The following TTC6 variants were observed in gnomAD, a reference collection of about 807,000 sequenced individuals.
TTC6 encodes the protein tetratricopeptide repeat domain 6.
A neutral mutation model predicts 210.4 loss-of-function variants in TTC6; 172 were observed. The observed-to-expected ratio is 0.82, with a 90% CI of 0.72 to 0.93. TTC6 has a LOEUF of 0.93. Ranked by LOEUF, TTC6 falls within the 40% of genes least tolerant of loss-of-function variation. TTC6 has a pLI of 0.00. For missense variants in TTC6, 2,414 were observed against 2,318.1 expected (o/e 1.04, Z -0.85); for synonymous variants, 804 against 819.6 (o/e 0.98, Z 0.32).
At chr14:37,661,533 C>G (rs2095737389) in intron 1 of TTC6, among the ~76,000 whole-genome samples, 1 of 152,102 alleles carries the variant, frequency 6.6e-6, no homozygotes, top group African/African-American at 2.4e-5. Flanking sequence ...GTCTATGTGT[C>G]TGTTTTTGTA....
chr14:37,795,449 A>G, intron 18 of TTC6, 97 bp downstream of exon 20: 2 of 691,750 alleles, frequency 2.9e-6, no homozygotes, highest in East Asian at 3.3e-5. Context: ...CAGGCTCCCC[A>G]TTTTACATTT....
At chr14:37,773,011 GCATTTTTT>G (rs2096025278) in intron 14 of TTC6, among the ~76,000 whole-genome samples, 1 of 152,104 alleles carries the variant, frequency 6.6e-6, no homozygotes, top group Admixed American at 6.5e-5. Flanking sequence ...GTGATATTGA[GCATTTTTT>G]CATATGCTTA....
At chr14:37,673,308 A>T (rs1269719330) in intron 1 of TTC6, among the ~76,000 whole-genome samples, 1 of 152,156 alleles carries the variant, frequency 6.6e-6, no homozygotes, top group South Asian at 2.1e-4. Context: ...GCAGATCAGG[A>T]CAGTTTCTCA....
chr14:37,804,814 G>T, exon 21 of TTC6: 2 of 1,613,124 alleles, frequency 1.2e-6, no homozygotes, highest in Non-Finnish European at 1.7e-6. Context: ...ATTTACAAAT[G>T]GTATTTCGTG....
intron 14 of TTC6, among the ~76,000 whole-genome samples, chr14:37,778,478 G>GC (rs1428074840): frequency 2.0e-5 from 3 of 152,168 alleles, no homozygotes. Context: ...GTATGCTCAT[G>GC]CCAGCAGCTA....
chr14:37,769,202 G>T (rs1343167169), intron 14 of TTC6, among the ~76,000 whole-genome samples: 1 of 151,712 alleles, frequency 6.6e-6, no homozygotes, highest in Non-Finnish European at 1.5e-5. Flanking sequence ...GATTCGTTTT[G>T]CCAGTATTTT....
chr14:37,760,715 C>A (rs1026548610), intron 14 of TTC6, among the ~76,000 whole-genome samples: 2 of 152,190 alleles, frequency 1.3e-5, no homozygotes, highest in Non-Finnish European at 2.9e-5. Context: ...ACACCCTGCC[C>A]AGTGAGGAGG....
At chr14:37,635,981 CAAAAAAAAAAAAA>C (rs71433909) in intron 1 of TTC6, among the ~76,000 whole-genome samples, 2 of 70,356 alleles carry the variant, frequency 2.8e-5, no homozygotes, top group African/African-American at 6.7e-5. Context: ...ATTCCATTTC[CAAAAAAAAAAAAA>C]AAAAAAGAAA....
chr14:37,767,294 T>C (rs1474789191), intron 14 of TTC6, among the ~76,000 whole-genome samples: 1 of 152,208 alleles, frequency 6.6e-6, no homozygotes, highest in Non-Finnish European at 1.5e-5. Context: ...GCATGATTTA[T>C]AGTCCTTTGG....
intron 26 of TTC6, 27 bp from the exon 29 acceptor site, chr14:37,823,720 G>A: frequency 6.3e-7 from 1 of 1,583,752 alleles, no homozygotes; most frequent in Non-Finnish European, 8.7e-7. Flanking sequence ...TTCACCAGAA[G>A]GCATCAATAT....
At chr14:37,623,031 T>A in intron 1 of TTC6, 28 bp downstream of exon 3, 1 of 1,424,572 alleles carries the variant, frequency 7.0e-7, no homozygotes, top group South Asian at 1.5e-5. Context: ...AGAGTAACAT[T>A]TTTCCCAAAT....
intron 29 of TTC6, among the ~76,000 whole-genome samples, chr14:37,835,916 G>A (rs749162718): frequency 1.3e-5 from 2 of 152,072 alleles, no homozygotes; most frequent in African/African-American, 4.8e-5. Context: ...AAGCTGTTAA[G>A]GGGCAGGAAT....
In TTC6 at chr14:37,658,791, G is replaced by C. The variant is rs187989111; in HGVS notation, c.940-21360G>C. On this transcript the variant is annotated intron_variant, in intron 1 of 30. Coordinates refer to ENST00000553443, the Ensembl canonical transcript of TTC6. ...GCCTTTAAAAATTTTTTTATTTTAG[G>C]TTCAGGGGTGCGTATGCAGGTTCAT... is the stretch of plus-strand genomic sequence containing the variant. Among the ~76,000 whole-genome samples, 174 of 152,244 alleles carry C rather than the reference G, an allele frequency of 1.1e-3. 1 individual carries two copies. The highest frequency in any genetic ancestry group is 1.7e-3 in the Non-Finnish European group (116 of 68,016).
intron 5 of TTC6, among the ~76,000 whole-genome samples, chr14:37,708,646 C>A (rs1185074998): frequency 6.6e-6 from 1 of 152,032 alleles, no homozygotes; most frequent in Non-Finnish European, 1.5e-5. Flanking sequence ...TTGACCTAAT[C>A]TAGGAAGAAT....
intron 4 of TTC6, among the ~76,000 whole-genome samples, chr14:37,698,685 C>G (rs1263499052): frequency 6.6e-6 from 1 of 152,122 alleles, no homozygotes; most frequent in Admixed American, 6.5e-5. Flanking sequence ...GCCCTATGCT[C>G]TTTTGGAAAT....
chr14:37,771,884 T>G (rs1418720288), intron 14 of TTC6, among the ~76,000 whole-genome samples: 3 of 152,208 alleles, frequency 2.0e-5, no homozygotes, highest in African/African-American at 7.2e-5. Flanking sequence ...GGCGCTCTGC[T>G]TTTTAGAGTT....
chr14:37,717,056 C>G (rs576796992), intron 6 of TTC6, among the ~76,000 whole-genome samples: 1 of 151,672 alleles, frequency 6.6e-6, no homozygotes, highest in Admixed American at 6.6e-5. Context: ...AATGAAAATA[C>G]AACATATCAA....
intron 3 of TTC6, among the ~76,000 whole-genome samples, chr14:37,687,216 T>C (rs534791514): frequency 6.6e-6 from 1 of 152,182 alleles, no homozygotes; most frequent in African/African-American, 2.4e-5. Flanking sequence ...CTCAGTGCTG[T>C]CTTGTTATAG....
intron 1 of TTC6, among the ~76,000 whole-genome samples, chr14:37,671,510 A>G (rs185743544): frequency 1.2e-3 from 184 of 152,312 alleles, no homozygotes; most frequent in Middle Eastern, 0.01. Flanking sequence ...AGGTGAACAC[A>G]TATTAATTTG....
Sources: allele counts gnomAD v4.1 joint callset (sites outside exome capture counted in the v4.1 genomes callset), GRCh38; gene constraint gnomAD v4.1.1; transcripts MANE v1.5; gene names NCBI Gene and HGNC (gene_info 2026-07-23, HGNC 2026-07-21).